The following PIWIL2 variants were observed in gnomAD, a reference collection of about 807,000 sequenced individuals.
PIWIL2 encodes piwi like RNA-mediated gene silencing 2.
A neutral mutation model predicts 116.5 loss-of-function variants in PIWIL2; 81 were observed. The observed-to-expected ratio is 0.70, with a 90% CI of 0.58 to 0.84. The LOEUF is 0.84. PIWIL2 is among the 40% of genes least tolerant of loss of function. The pLI, the probability that PIWIL2 is intolerant of heterozygous loss-of-function variation, is 0.00. For missense variants in PIWIL2, 1,272 were observed against 1,212.3 expected, an observed-to-expected ratio of 1.05 and a Z score of -0.73; for synonymous variants, 489 against 429.5, an observed-to-expected ratio of 1.14 and a Z score of -1.71.
In PIWIL2 at chr8:22,281,503, T is replaced by A. The variant is rs768022709; in HGVS notation, c.413T>A (p.Val138Asp). ...GACAGCAAGATGGCAGAGACCTCCG[T>A]TGGTTGGAGTAGGTGGGTAAAGTTA... ...AGDSKMAETS[V>D]GWSRTLGRGS... The change falls in exon 4 of 23, where the codon GTT (valine) becomes GAT (aspartate). Residue 138 changes from valine to aspartate, a missense_variant. Coordinates refer to ENST00000356766, the MANE Select transcript of PIWIL2 (RefSeq NM_018068.5). The A allele has an allele frequency of 6.3e-7, 1 of 1,581,320 alleles. No individual in the cohort carries two copies. Among genetic ancestry groups the A allele is most frequent in the South Asian group, 1.2e-5 (1 of 84,852 alleles).
chr8:22,333,765 G>A lies in PIWIL2; in HGVS notation c.2403+15490G>A, dbSNP rs556482680. 1.1e-3 allele frequency among the ~76,000 whole-genome samples: 166 copies of A among 152,052 alleles called. 1 individual carries two copies. The highest frequency in any genetic ancestry group is 3.9e-3 in the African/African-American group (160 of 41,418). On this transcript the variant is annotated intron_variant, in intron 20 of 22. Transcript: ENST00000356766. ...GGTGATAATTACTCAAAAGTATGAG[G>A]TTTCTTTGTGAGGTGATGAAAATGT...
chr8:22,284,221 T>C lies in PIWIL2; in HGVS notation c.692T>C (p.Val231Ala). The C allele has an allele frequency of 6.2e-7, 1 of 1,607,728 alleles. No homozygotes were observed. Among genetic ancestry groups the C allele is most frequent in the Non-Finnish European group, 8.5e-7 (1 of 1,176,576 alleles). The change falls in exon 6 of 23, where the codon GTC (valine) becomes GCC (alanine). Residue 231 changes from valine (V) to alanine (A), a missense_variant. Transcript: ENST00000356766. ...CCTCAGTCTTTGGGACTGAACCTCGTCAAAATACAGTGTCATAATGAAGCA... is the reference window on the plus strand; with the variant it reads ...CCTCAGTCTTTGGGACTGAACCTCGCCAAAATACAGTGTCATAATGAAGCA... Reference protein sequence around the residue: ...GTPQSLGLNLVKIQCHNEAVY... With the variant: ...GTPQSLGLNLAKIQCHNEAVY...
At chr8:22,334,218 A>G (rs1415456578) in intron 20 of PIWIL2, among the ~76,000 whole-genome samples, 3 of 151,818 alleles carry the variant, frequency 2.0e-5, no homozygotes, top group African/African-American at 4.8e-5. Context: ...TAGGTGATCC[A>G]CCTTCCTTGG....
chr8:22,342,096 C>T (rs549663008), intron 20 of PIWIL2, among the ~76,000 whole-genome samples: 2 of 151,632 alleles, frequency 1.3e-5, no homozygotes, highest in South Asian at 4.2e-4. Context: ...ACTTTGGTTT[C>T]AGCCTAACAA....
chr8:22,283,363 T>C, intron 5 of PIWIL2, 123 bp downstream of exon 5: 1 of 717,600 alleles, frequency 1.4e-6, no homozygotes, highest in South Asian at 1.7e-5. Flanking sequence ...TACTGCGGGG[T>C]GTTTTGTTTT....
chr8:22,303,901 A>G (rs1025893025), intron 10 of PIWIL2, 120 bp from the exon 11 acceptor site: 4 of 554,422 alleles, frequency 7.2e-6, no homozygotes, highest in African/African-American at 3.9e-5. Context: ...TTTTAACACA[A>G]CTGGAGCCTT....
chr8:22,330,325 T>G (rs189959265), intron 20 of PIWIL2, among the ~76,000 whole-genome samples: 1 of 152,258 alleles, frequency 6.6e-6, no homozygotes, highest in Admixed American at 6.5e-5. Context: ...ATTGATAGTC[T>G]TTATTTGGTG....
intron 10 of PIWIL2, among the ~76,000 whole-genome samples, chr8:22,303,600 C>A (rs1831103939): frequency 6.6e-6 from 1 of 152,088 alleles, no homozygotes; most frequent in Non-Finnish European, 1.5e-5. Context: ...CGCCATGTTG[C>A]CCAGGCTGAT....
Position 22,304,086 on chromosome 8 carries a change from A to G in PIWIL2, c.1247A>G (p.Asn416Ser), listed in dbSNP as rs1400179228. The G allele has an allele frequency of 3.1e-6, 5 of 1,612,998 alleles. No individual in the cohort carries two copies. Among genetic ancestry groups the G allele is most frequent in the Non-Finnish European group, 4.2e-6 (5 of 1,178,938 alleles). Residue 416 changes from asparagine to serine, a missense_variant, in exon 11 of 23, where the codon AAT becomes AGT. Transcript: ENST00000356766. ...QDECTKLLVG[N>S]IVITRYNNRT... ...GAGTGTACTAAGCTTCTGGTTGGCA[A>G]TATTGTTATCACCCGATATAACAAT...
intron 1 of PIWIL2, chr8:22,275,647 G>T (rs1302145332): frequency 6.6e-6 from 1 of 152,320 alleles, no homozygotes. Flanking sequence ...CCAAGTGGAC[G>T]TCTTATTTGG....
At position 22,295,356 on chromosome 8, in the gene PIWIL2, G is replaced by A. The variant is rs7016800; in HGVS notation, c.1181+5010G>A. ...GCTCAGCTTTTTTTTTTCTAAGTACGTAATTTTATATGTACTTACCACTAA... is the reference window on the plus strand; with the variant it reads ...GCTCAGCTTTTTTTTTTCTAAGTACATAATTTTATATGTACTTACCACTAA... On this transcript the variant is annotated intron_variant, in intron 10 of 22. Coordinates refer to ENST00000356766, the MANE Select transcript of PIWIL2 (RefSeq NM_018068.5). 7.0e-3 allele frequency among the ~76,000 whole-genome samples: 1,062 copies of A among 151,296 alleles called. 15 individuals are homozygous for A. The highest frequency in any genetic ancestry group is 0.025 in the African/African-American group (1,019 of 41,156).
intron 20 of PIWIL2, among the ~76,000 whole-genome samples, chr8:22,346,206 G>A (rs1832223333): frequency 6.6e-6 from 1 of 152,120 alleles, no homozygotes; most frequent in Non-Finnish European, 1.5e-5. Context: ...CCTGGGCAAC[G>A]CAGTGAGACC....
chr8:22,353,156 C>G lies in PIWIL2; in HGVS notation c.2601C>G (p.Asn867Lys). Residue 867 changes from asparagine to lysine, a missense_variant, in exon 21 of 23, where the codon AAC (asparagine) becomes AAG (lysine). Coordinates refer to ENST00000356766, the MANE Select transcript of PIWIL2 (RefSeq NM_018068.5). ...ATCTATATCTGGCTGCTCCTCAGAA[C>G]TTTGTAACTCCCACTCCTGGAACTG... ...STNLYLAAPQNFVTPTPGTVV... is the reference protein window; with the variant it reads ...STNLYLAAPQKFVTPTPGTVV... 6.2e-7 allele frequency: 1 copy of G among 1,614,006 alleles called. No homozygotes were observed. The highest frequency in any genetic ancestry group is 8.5e-7 in the Non-Finnish European group (1 of 1,179,864).
At chr8:22,337,671 A>G (rs931266354) in intron 20 of PIWIL2, among the ~76,000 whole-genome samples, 1 of 151,940 alleles carries the variant, frequency 6.6e-6, no homozygotes, top group Non-Finnish European at 1.5e-5. Flanking sequence ...CGGAGGTTGC[A>G]GTAAGCTGAG....
At chr8:22,344,580 A>G (rs1437729290) in intron 20 of PIWIL2, among the ~76,000 whole-genome samples, 4 of 152,290 alleles carry the variant, frequency 2.6e-5, no homozygotes, top group Admixed American at 1.3e-4. Flanking sequence ...TCTAAAATTT[A>G]AAAGAGGCCA....
rs1027085703 is a variant in PIWIL2 at position 22,355,599 on chromosome 8, T to C, written c.*94T>C. Reference sequence around the variant, plus strand: ...ATCAACAGAGACTGAAGTGGGCTTTTGTGTTATAATTTTCCCTTTCTCCAA... The same window carrying C: ...ATCAACAGAGACTGAAGTGGGCTTTCGTGTTATAATTTTCCCTTTCTCCAA... On this transcript the variant is annotated 3_prime_UTR_variant, in exon 23 of 23. Transcript: ENST00000356766. 10 of 1,141,802 alleles carry C rather than the reference T, an allele frequency of 8.8e-6. No homozygotes were observed. The highest frequency in any genetic ancestry group is 5.7e-4 in the Middle Eastern group (2 of 3,534). 70.7% of individuals were successfully genotyped at this position (1,141,802 alleles called of 1,614,324 possible). A position where few individuals can be genotyped will look rare whatever the true frequency, so the allele number is the denominator to read the frequency against.
At chr8:22,347,210 A>G (rs1247856411) in intron 20 of PIWIL2, among the ~76,000 whole-genome samples, 1 of 149,242 alleles carries the variant, frequency 6.7e-6, no homozygotes, top group Non-Finnish European at 1.5e-5. Context: ...GCACATTAAC[A>G]TAATTTTTTT....
At chr8:22,301,981 C>A (rs180789875) in intron 10 of PIWIL2, among the ~76,000 whole-genome samples, 97 of 152,246 alleles carry the variant, frequency 6.4e-4, no homozygotes, top group Non-Finnish European at 6.5e-4. Context: ...TCCCTCTGAG[C>A]ACTGCATTAG....
chr8:22,350,009 T>C (rs148925981), intron 20 of PIWIL2, among the ~76,000 whole-genome samples: 55 of 152,284 alleles, frequency 3.6e-4, no homozygotes, highest in Non-Finnish European at 4.7e-4. Context: ...GTGGGTGATA[T>C]ATAAAGGCGT....
Sources: gnomAD v4.1 joint callset for allele counts (sites outside exome capture counted in the v4.1 genomes callset) on GRCh38, gnomAD v4.1.1 for gene constraint, MANE v1.5 for transcripts, NCBI Gene and HGNC (gene_info 2026-07-23, HGNC 2026-07-21) for gene names.